LIN28B: variants seen among roughly 807,000 people sequenced by gnomAD.
LIN28B encodes the protein lin-28 RNA binding posttranscriptional regulator B, also known as protein lin-28 homolog B.
Under a neutral mutation model 21.9 loss-of-function variants are expected in LIN28B, and 5 were observed. The observed-to-expected ratio is 0.23, with a 90% CI of 0.12 to 0.48. LIN28B has a LOEUF of 0.48. LIN28B is among the 20% of genes least tolerant of loss of function. The pLI, the probability that LIN28B is intolerant of heterozygous loss-of-function variation, is 0.98. For missense variants in LIN28B, 245 were observed against 310.5 expected, an observed-to-expected ratio of 0.79 and a Z score of 1.58; for synonymous variants, 109 against 111.3, an observed-to-expected ratio of 0.98 and a Z score of 0.13.
rs1410925967 is a variant in LIN28B at position 105,080,701 on chromosome 6, G to A, written c.*1918G>A. 6.6e-6 allele frequency: 1 copy of A among 152,624 alleles called. No individual in the cohort carries two copies. Among genetic ancestry groups the A allele is most frequent in the Non-Finnish European group, 1.5e-5 (1 of 68,030 alleles). 9.5% of individuals were successfully genotyped at this position (152,624 alleles called of 1,614,324 possible). A position where few individuals can be genotyped will look rare whatever the true frequency, so the allele number is the denominator to read the frequency against. ...ATTTAAATTATGTAGACAAATCAAA[G>A]TGGCATTGCTTAATTTTTAGCAGGC... On this transcript the variant is annotated 3_prime_UTR_variant, in exon 4 of 4. Transcript: ENST00000345080.
At chr6:105,013,713 G>C (rs1770968699) in intron 2 of LIN28B, among the ~76,000 whole-genome samples, 1 of 110,238 alleles carries the variant, frequency 9.1e-6, no homozygotes, top group Admixed American at 1.1e-4. Context: ...ATAGCAGTGA[G>C]ACCCTGTCTC....
chr6:104,982,090 G>A (rs186030466), intron 2 of LIN28B, among the ~76,000 whole-genome samples: 10 of 152,148 alleles, frequency 6.6e-5, no homozygotes, highest in African/African-American at 1.7e-4. Context: ...TGAGGTGGGC[G>A]GATCATCAGG....
At chr6:105,012,361 CAGG>C (rs1770941920) in intron 2 of LIN28B, among the ~76,000 whole-genome samples, 1 of 151,530 alleles carries the variant, frequency 6.6e-6, no homozygotes, top group South Asian at 2.1e-4. Flanking sequence ...CCCAGCTACT[CAGG>C]AGGTTGAGGC....
At chr6:105,051,972 G>A (rs1771916272) in intron 3 of LIN28B, among the ~76,000 whole-genome samples, 1 of 152,244 alleles carries the variant, frequency 6.6e-6, no homozygotes, top group African/African-American at 2.4e-5. Flanking sequence ...AGGGGACAGA[G>A]TAATAGTTGG....
upstream of LIN28B, chr6:104,956,944 A>G: frequency 3.9e-6 from 2 of 511,336 alleles, no homozygotes; most frequent in Non-Finnish European, 6.2e-6. Flanking sequence ...GTGTTCATTC[A>G]TAAATTATTT....
At chr6:105,059,691 A>G (rs1260435091) in intron 3 of LIN28B, among the ~76,000 whole-genome samples, 1 of 152,158 alleles carries the variant, frequency 6.6e-6, no homozygotes, top group Admixed American at 6.5e-5. Flanking sequence ...GGTGCCCGTT[A>G]CTCTGAAATA....
chr6:104,946,666 T>C (rs1234704849), intron 2 of LIN28B, among the ~76,000 whole-genome samples: 1 of 152,172 alleles, frequency 6.6e-6, no homozygotes, highest in Non-Finnish European at 1.5e-5. Flanking sequence ...GCTATATGAT[T>C]TTAAGTAATG....
chr6:104,970,873 G>A (rs1769963254), intron 2 of LIN28B, among the ~76,000 whole-genome samples: 1 of 152,066 alleles, frequency 6.6e-6, no homozygotes, highest in Non-Finnish European at 1.5e-5. Context: ...CTAGCTGTTT[G>A]GAAGAAAATC....
intron 2 of LIN28B, among the ~76,000 whole-genome samples, chr6:104,959,659 A>G (rs1411789144): frequency 6.6e-6 from 1 of 152,250 alleles, no homozygotes; most frequent in Non-Finnish European, 1.5e-5. Context: ...AAGTCCACAT[A>G]CAGACTACTG....
At chr6:104,950,531 T>TA (rs1002454861) in intron 3 of LIN28B, 65 of 1,113,650 alleles carry the variant, frequency 5.8e-5, no homozygotes, top group Non-Finnish European at 6.7e-5. Flanking sequence ...TTTTTTTTTT[T>TA]AAATATTTTG....
chr6:104,939,878 G>A (rs1271729320), intron 2 of LIN28B, among the ~76,000 whole-genome samples: 1 of 152,176 alleles, frequency 6.6e-6, no homozygotes, highest in African/African-American at 2.4e-5. Context: ...AAAGTCTGAT[G>A]AGAAACTACC....
exon 2 of LIN28B, chr6:104,937,056 A>G: frequency 6.6e-6 from 1 of 151,846 alleles, no homozygotes; most frequent in South Asian, 2.1e-4. Flanking sequence ...GGCTCAAGCG[A>G]TTCGCCACGT....
chr6:105,043,681 A>C (rs1771689052), intron 3 of LIN28B, among the ~76,000 whole-genome samples: 2 of 151,690 alleles, frequency 1.3e-5, no homozygotes, highest in South Asian at 4.2e-4. Context: ...TCCTGGATTC[A>C]AGCAATTCTC....
intron 3 of LIN28B, chr6:104,950,647 C>T (rs1450175284): frequency 2.1e-5 from 9 of 433,206 alleles, no homozygotes; most frequent in African/African-American, 4.1e-5. Context: ...GTACCAAGTC[C>T]TCCTATACTT....
chr6:104,942,401 A>G (rs895489811), intron 2 of LIN28B, among the ~76,000 whole-genome samples: 1 of 152,194 alleles, frequency 6.6e-6, no homozygotes, highest in Non-Finnish European at 1.5e-5. Flanking sequence ...TTTACGTCCA[A>G]CAATAAGTAT....
chr6:104,988,664 C>G (rs1261231760), intron 2 of LIN28B, among the ~76,000 whole-genome samples: 2 of 151,670 alleles, frequency 1.3e-5, no homozygotes, highest in East Asian at 3.9e-4. Context: ...CTCCGCCTCC[C>G]AGGTTCAAGT....
At chr6:104,987,223 T>G (rs1271799381) in intron 2 of LIN28B, among the ~76,000 whole-genome samples, 3 of 152,258 alleles carry the variant, frequency 2.0e-5, no homozygotes, top group Non-Finnish European at 4.4e-5. Flanking sequence ...TTTGATGCTC[T>G]TGTTAAATAG....
At chr6:105,002,357 G>T (rs907514313) in intron 2 of LIN28B, among the ~76,000 whole-genome samples, 5 of 151,968 alleles carry the variant, frequency 3.3e-5, no homozygotes, top group Admixed American at 1.3e-4. Context: ...CACTATCTAT[G>T]ATAATTCTTT....
intron 2 of LIN28B, among the ~76,000 whole-genome samples, chr6:104,966,901 G>A (rs1367817551): frequency 4.6e-5 from 7 of 152,022 alleles, no homozygotes; most frequent in Admixed American, 3.3e-4. Context: ...GATTACAGGC[G>A]TGAGCCACCG....
Sources: gnomAD v4.1 joint callset for allele counts (sites outside exome capture counted in the v4.1 genomes callset) on GRCh38, gnomAD v4.1.1 for gene constraint, MANE v1.5 for transcripts, NCBI Gene and HGNC (gene_info 2026-07-23, HGNC 2026-07-21) for gene names.